The following FSD1L variants were observed in gnomAD, a reference collection of about 807,000 sequenced individuals.
FSD1L encodes FSD1-like protein.
A neutral mutation model predicts 71.6 loss-of-function variants in FSD1L; 45 were observed. The ratio of observed to expected loss-of-function variants is 0.63; its 90% CI spans 0.49 to 0.81. The LOEUF is 0.81. Among genes scored for constraint, FSD1L ranks in the 30% least tolerant of loss-of-function variants. FSD1L has a pLI of 0.00. For synonymous variants in FSD1L, 197 were observed against 207.2 expected, an observed-to-expected ratio of 0.95 and a Z score of 0.42; for missense variants, 561 against 618.1, an observed-to-expected ratio of 0.91 and a Z score of 0.98.
upstream of FSD1L, among the ~76,000 whole-genome samples, chr9:105,446,451 G>A (rs1306984883): frequency 1.3e-5 from 2 of 152,094 alleles, no homozygotes; most frequent in Non-Finnish European, 2.9e-5. Flanking sequence ...TGCAACCTCT[G>A]CCTCCAGGAC....
intron 13 of FSD1L, 106 bp from the exon 14 acceptor site, chr9:105,546,252 G>T: frequency 1.0e-6 from 1 of 961,328 alleles, no homozygotes; most frequent in South Asian, 1.8e-5. Flanking sequence ...GTTTGAGAAT[G>T]ATTGATGTTC....
intron 10 of FSD1L, 32 bp from the exon 11 acceptor site, chr9:105,534,461 T>C (rs184894341): frequency 2.1e-5 from 24 of 1,165,994 alleles, no homozygotes; most frequent in Non-Finnish European, 2.6e-5. Flanking sequence ...GTATAAAATA[T>C]TTGTTTTTCT....
chr9:105,542,505 G>T (rs1836692574), intron 13 of FSD1L, among the ~76,000 whole-genome samples: 1 of 152,062 alleles, frequency 6.6e-6, no homozygotes, highest in African/African-American at 2.4e-5. Flanking sequence ...CCAGGCTAGA[G>T]TACAGTGGTG....
At chr9:105,464,591 A>T (rs1326591108) in intron 3 of FSD1L, among the ~76,000 whole-genome samples, 1 of 152,236 alleles carries the variant, frequency 6.6e-6, no homozygotes, top group Non-Finnish European at 1.5e-5. Flanking sequence ...TTTCCATTTG[A>T]CATTTTTTCT....
chr9:105,533,414 A>ATTTTTTTTTTTTT (rs1271918066), intron 10 of FSD1L, among the ~76,000 whole-genome samples: 59 of 13,316 alleles, frequency 4.4e-3, no homozygotes, highest in African/African-American at 8.4e-3. Flanking sequence ...TGCCATTTCC[A>ATTTTTTTTTTTTT]TCTTTTTTTT....
chr9:105,480,373 ACCTCTGCCTC>A lies in FSD1L; in HGVS notation c.464+998_464+1007del, dbSNP rs1832090787. On this transcript the variant is annotated intron_variant, in intron 6 of 13. Coordinates refer to ENST00000481272, the MANE Select transcript of FSD1L (RefSeq NM_001145313.3). Reference sequence around the variant, plus strand: ...AGTGGTGCGATCTTGTCACACTGCAACCTCTGCCTCATGGGCTCAAGTGATCCTCCACCTC... The same window carrying A: ...AGTGGTGCGATCTTGTCACACTGCAAATGGGCTCAAGTGATCCTCCACCTC... Among the ~76,000 whole-genome samples, 4 of 151,512 alleles carry A rather than the reference ACCTCTGCCTC, an allele frequency of 2.6e-5. No individual in the cohort carries two copies. The South Asian group carries it at 8.4e-4, about 32-fold the overall frequency.
At chr9:105,540,515 C>T (rs1226380318) in intron 13 of FSD1L, among the ~76,000 whole-genome samples, 1 of 152,030 alleles carries the variant, frequency 6.6e-6, no homozygotes, top group East Asian at 1.9e-4. Flanking sequence ...AAATATTCTT[C>T]TAAAAGCTTT....
chr9:105,496,013 A>G (rs1033631028), intron 7 of FSD1L, among the ~76,000 whole-genome samples: 5 of 151,218 alleles, frequency 3.3e-5, no homozygotes, highest in Non-Finnish European at 5.9e-5. Flanking sequence ...AGTCCTTATC[A>G]GATGTTTCTT....
chr9:105,520,243 T>A (rs1470222503), intron 10 of FSD1L: 1 of 1,607,162 alleles, frequency 6.2e-7, no homozygotes, highest in African/African-American at 1.3e-5. Flanking sequence ...GAGTTAATGG[T>A]GGAACTGGCT....
At position 105,485,345 on chromosome 9, in the gene FSD1L, C is replaced by T. The variant is rs115908614; in HGVS notation, c.586+843C>T. On this transcript the variant is annotated intron_variant, in intron 7 of 13. Transcript: ENST00000481272. Reference sequence around the variant, plus strand: ...AAAAAGGCAAAACAAGAGAGTTAACCTCACTTTGTAAGAACCTTCTTTCAC... The same window carrying T: ...AAAAAGGCAAAACAAGAGAGTTAACTTCACTTTGTAAGAACCTTCTTTCAC... Among the ~76,000 whole-genome samples the T allele has an allele frequency of 8.3e-3, 1,262 of 152,208 alleles. 20 individuals carry two copies. The highest frequency in any genetic ancestry group is 0.029 in the African/African-American group (1,206 of 41,530).
Position 105,464,262 on chromosome 9 carries a change from T to C in FSD1L, c.138T>C (p.Thr46=). ...AAGCTCTACAGAGGATCATTTCAAC[T>C]CTGGCAAATAAAAATGATGAAATTC... is the stretch of plus-strand genomic sequence containing the variant. ...QQEALQRIIS[T]LANKNDEIQN... is the part of the protein sequence containing the mutation. Residue 46 remains threonine (T), a synonymous_variant, in exon 3 of 14, where the codon ACT becomes ACC. Transcript: ENST00000481272. 6.6e-7 allele frequency: 1 copy of C among 1,524,340 alleles called. No homozygotes were observed. Among genetic ancestry groups the C allele is most frequent in the Non-Finnish European group, 8.9e-7 (1 of 1,125,170 alleles). The allele number at this position is 1,524,340 out of a possible 1,614,324, so 94.4% of individuals were successfully genotyped here. A position where few individuals can be genotyped will look rare whatever the true frequency, so the allele number is the denominator to read the frequency against.
chr9:105,454,130 C>G (rs1214665888), intron 1 of FSD1L, among the ~76,000 whole-genome samples: 1 of 152,176 alleles, frequency 6.6e-6, no homozygotes, highest in Non-Finnish European at 1.5e-5. Flanking sequence ...CCACTCAATT[C>G]TGCCACCCAG....
At chr9:105,544,639 A>T (rs1836856430) in intron 13 of FSD1L, among the ~76,000 whole-genome samples, 1 of 151,986 alleles carries the variant, frequency 6.6e-6, no homozygotes, top group Non-Finnish European at 1.5e-5. Flanking sequence ...TCAGCTTTCT[A>T]CATATGGCTA....
chr9:105,538,291 G>A (rs1836391255), intron 12 of FSD1L, among the ~76,000 whole-genome samples: 1 of 152,076 alleles, frequency 6.6e-6, no homozygotes, highest in African/African-American at 2.4e-5. Flanking sequence ...AAAGTACTGG[G>A]TACTTTACAT....
Position 105,485,713 on chromosome 9 carries a change from G to A in FSD1L, c.586+1211G>A, listed in dbSNP as rs184385414. 9.0e-3 allele frequency among the ~76,000 whole-genome samples: 1,356 copies of A among 150,748 alleles called. 21 individuals carry two copies. Among genetic ancestry groups the A allele is most frequent in the African/African-American group, 0.032 (1,297 of 41,006 alleles). Reference sequence around the variant, plus strand: ...GGCTGGACTGCAGTGGCACGATCTCGGCTCACTGCAAGCTCTGCCTCCTGG... The same window carrying A: ...GGCTGGACTGCAGTGGCACGATCTCAGCTCACTGCAAGCTCTGCCTCCTGG... On this transcript the variant is annotated intron_variant, in intron 7 of 13. Transcript: ENST00000481272.
At chr9:105,494,983 T>C (rs10761099) in intron 7 of FSD1L, among the ~76,000 whole-genome samples, 152,315 of 152,330 alleles carry the variant, frequency 1, 76,150 homozygotes, top group Middle Eastern at 1. Context: ...GCTGTCTGCC[T>C]GTTCTCAGAT....
At chr9:105,458,734 A>C (rs1367219449) in intron 1 of FSD1L, among the ~76,000 whole-genome samples, 1 of 152,194 alleles carries the variant, frequency 6.6e-6, no homozygotes, top group Non-Finnish European at 1.5e-5. Flanking sequence ...TTCAGGCTTC[A>C]GACTGTCTTT....
chr9:105,448,319 G>GCC, intron 1 of FSD1L, 84 bp downstream of exon 1: 2 of 1,282,024 alleles, frequency 1.6e-6, no homozygotes, highest in Non-Finnish European at 2.1e-6. Flanking sequence ...CGTGGGCTGT[G>GCC]GGTGCGCGGG....
intron 3 of FSD1L, among the ~76,000 whole-genome samples, chr9:105,464,654 G>T (rs1484038590): frequency 1.3e-5 from 2 of 152,064 alleles, no homozygotes; most frequent in Non-Finnish European, 2.9e-5. Context: ...CAAGTAAAAC[G>T]TTTCTTTTAC....
Sources: allele counts gnomAD v4.1 joint callset (sites outside exome capture counted in the v4.1 genomes callset), GRCh38; gene constraint gnomAD v4.1.1; transcripts MANE v1.5; gene names NCBI Gene and HGNC (gene_info 2026-07-23, HGNC 2026-07-21).